RBPJ: variants seen among roughly 807,000 people sequenced by gnomAD.
RBPJ encodes recombination signal binding protein for immunoglobulin kappa J region.
A neutral mutation model predicts 67.8 loss-of-function variants in RBPJ; 9 were observed. The observed-to-expected ratio is 0.13, with a 90% CI of 0.08 to 0.23. RBPJ has a LOEUF of 0.23. Ranked by LOEUF, RBPJ falls within the 10% of genes least tolerant of loss-of-function variation. The pLI, the probability that RBPJ is intolerant of heterozygous loss-of-function variation, is 1.00. For synonymous variants in RBPJ, 198 were observed against 203.3 expected (o/e 0.97, Z 0.22); for missense variants, 305 against 595.6 (o/e 0.51, Z 5.08).
intron 1 of RBPJ, among the ~76,000 whole-genome samples, chr4:26,338,593 TGAGATAG>T (rs1725154164): frequency 6.6e-6 from 1 of 151,236 alleles, no homozygotes. Context: ...TTTTTTTTTT[TGAGATAG>T]AGTCTCACTC....
At chr4:26,254,976 A>G (rs1230220100) in intron 1 of RBPJ, among the ~76,000 whole-genome samples, 1 of 134,734 alleles carries the variant, frequency 7.4e-6, no homozygotes, top group Non-Finnish European at 1.5e-5. Context: ...TGCTGGGATT[A>G]CAGGCATGAA....
chr4:26,170,067 G>T (rs894051963), intron 1 of RBPJ, among the ~76,000 whole-genome samples: 2 of 152,112 alleles, frequency 1.3e-5, no homozygotes, highest in African/African-American at 4.8e-5. Flanking sequence ...CTGGCGCACG[G>T]TGCGCTGCAC....
chr4:26,281,987 T>A (rs1240290204), intron 1 of RBPJ, among the ~76,000 whole-genome samples: 2 of 152,254 alleles, frequency 1.3e-5, no homozygotes, highest in Non-Finnish European at 2.9e-5. Context: ...CCAAATTATC[T>A]AGACCAGGGG....
rs1736436999 is a variant in RBPJ, at chr4:26,433,754, T to G, written c.*2747T>G. ...GTTCTTTTGTCAGCTGCTTACATTT[T>G]TTCTTTCATGGTTTTGTGAATCATT... On this transcript the variant is annotated 3_prime_UTR_variant, in exon 11 of 11. Transcript: ENST00000355476. 6.6e-6 allele frequency: 1 copy of G among 152,194 alleles called. No individual in the cohort carries two copies. The highest frequency in any genetic ancestry group is 1.5e-5 in the Non-Finnish European group (1 of 68,026). 9.4% of individuals were successfully genotyped at this position (152,194 alleles called of 1,614,324 possible).
chr4:26,363,135 A>ATTTTTTATTTTTATTTC (rs1728247659), intron 1 of RBPJ, among the ~76,000 whole-genome samples: 1 of 152,028 alleles, frequency 6.6e-6, no homozygotes, highest in Non-Finnish European at 1.5e-5. Context: ...TTATTTATTT[A>ATTTTTTATTTTTATTTC]TTTTTTATTT....
chr4:26,170,237 A>T (rs1421023205), intron 1 of RBPJ, among the ~76,000 whole-genome samples: 1 of 151,874 alleles, frequency 6.6e-6, no homozygotes, highest in Admixed American at 6.6e-5. Context: ...AAATATATAT[A>T]TTTTCAAAAG....
rs1287431661 is a variant in RBPJ, at chr4:26,431,128, A to G, written c.*121A>G. The G allele has an allele frequency of 1.5e-6, 1 of 646,508 alleles. No individual in the cohort carries two copies. Among genetic ancestry groups the G allele is most frequent in the Non-Finnish European group, 2.5e-6 (1 of 407,126 alleles). The allele number at this position is 646,508 out of a possible 1,614,324, so 40.0% of individuals were successfully genotyped here. A position where few individuals can be genotyped will look rare whatever the true frequency, so the allele number is the denominator to read the frequency against. On this transcript the variant is annotated 3_prime_UTR_variant, in exon 11 of 11. Transcript: ENST00000355476. ...AAAACTTTTCATACCAGGTGATACT[A>G]TTCAAAAACCCCGTTGTCTCCCTGC...
chr4:26,244,098 T>C (rs912941674), intron 1 of RBPJ, among the ~76,000 whole-genome samples: 8 of 148,636 alleles, frequency 5.4e-5, no homozygotes, highest in Non-Finnish European at 1.2e-4. Flanking sequence ...AGACCCTGTC[T>C]CAAAAAAAAA....
chr4:26,210,686 CCT>C (rs1718361317), intron 1 of RBPJ, among the ~76,000 whole-genome samples: 2 of 65,396 alleles, frequency 3.1e-5, no homozygotes, highest in African/African-American at 1.1e-4. Flanking sequence ...TTCTTTCTTT[CCT>C]TTCTTTCTTT....
intron 1 of RBPJ, among the ~76,000 whole-genome samples, chr4:26,216,704 C>G (rs1718733178): frequency 6.6e-6 from 1 of 152,142 alleles, no homozygotes; most frequent in Non-Finnish European, 1.5e-5. Flanking sequence ...GGGTGGATCA[C>G]TTAAGCCTGG....
At chr4:26,144,488 T>C in the RBPJ span, among the ~76,000 whole-genome samples, 3 of 152,082 alleles carry the variant, frequency 2.0e-5, no homozygotes, top group African/African-American at 7.2e-5. Context: ...CAGGCTGGTC[T>C]CAAACCCCTG....
chr4:26,168,538 A>G (rs1716413615), intron 1 of RBPJ, among the ~76,000 whole-genome samples: 1 of 152,102 alleles, frequency 6.6e-6, no homozygotes, highest in South Asian at 2.1e-4. Context: ...GGTGAATCTG[A>G]CAATTATGTG....
chr4:26,157,093 ACAAAC>A, the RBPJ span, among the ~76,000 whole-genome samples: 30,013 of 113,402 alleles, frequency 0.26, 3,887 homozygotes, highest in Admixed American at 0.29. Context: ...AAACAAACAA[ACAAAC>A]AAAAACAAAC....
chr4:26,201,738 A>G (rs1360310286), intron 1 of RBPJ, among the ~76,000 whole-genome samples: 1 of 152,192 alleles, frequency 6.6e-6, no homozygotes, highest in Non-Finnish European at 1.5e-5. Flanking sequence ...AACGTTCTAA[A>G]CCAAGTTACA....
chr4:26,320,783 G>C (rs1205717011), upstream of RBPJ: 1 of 1,555,256 alleles, frequency 6.4e-7, no homozygotes, highest in East Asian at 2.4e-5. Flanking sequence ...GCTCGCCCGC[G>C]GAGGAGCCGC....
intron 1 of RBPJ, among the ~76,000 whole-genome samples, chr4:26,163,970 T>A (rs1163807567): frequency 6.6e-6 from 1 of 152,282 alleles, no homozygotes; most frequent in African/African-American, 2.4e-5. Flanking sequence ...TACTTTCTTT[T>A]ATGTGCCCTT....
At chr4:26,118,588 A>C in the RBPJ span, among the ~76,000 whole-genome samples, 1 of 152,250 alleles carries the variant, frequency 6.6e-6, no homozygotes, top group South Asian at 2.1e-4. Flanking sequence ...CCTGGGGAAC[A>C]GAGTGGTCAT....
intron 1 of RBPJ, among the ~76,000 whole-genome samples, chr4:26,176,510 C>T (rs1476178493): frequency 2.0e-5 from 3 of 152,204 alleles, no homozygotes; most frequent in Non-Finnish European, 2.9e-5. Flanking sequence ...ACTCAGTAAA[C>T]AGCTGCTGGA....
At position 26,369,346 on chromosome 4, in the gene RBPJ, C is replaced by T. The variant is rs536470910; in HGVS notation, c.21-17007C>T. ...TGAGTGTGTTATGCTAACAATGAATCAATATTGCGCTTACAAGATTTCCCT... is the reference window on the plus strand; with the variant it reads ...TGAGTGTGTTATGCTAACAATGAATTAATATTGCGCTTACAAGATTTCCCT... On this transcript the variant is annotated intron_variant, in intron 1 of 10. Coordinates refer to ENST00000355476, the MANE Select transcript of RBPJ (RefSeq NM_015874.6). 6.6e-5 allele frequency among the ~76,000 whole-genome samples: 10 copies of T among 152,320 alleles called. No homozygotes were observed. In the South Asian group the frequency reaches 1.5e-3, roughly 22 times the overall value.
Sources: allele counts gnomAD v4.1 joint callset (sites outside exome capture counted in the v4.1 genomes callset), GRCh38; gene constraint gnomAD v4.1.1; transcripts MANE v1.5; gene names NCBI Gene and HGNC (gene_info 2026-07-23, HGNC 2026-07-21).